The following CACYBP variants were observed in gnomAD, a reference collection of about 807,000 sequenced individuals.
The protein encoded by CACYBP is calcyclin-binding protein.
Under a neutral mutation model 29.6 loss-of-function variants are expected in CACYBP, and 11 were observed. That is an observed-to-expected ratio of 0.37 (90% confidence interval 0.23 to 0.61). The LOEUF is 0.61. Among genes scored for constraint, CACYBP ranks in the 20% least tolerant of loss-of-function variants. CACYBP has a pLI of 0.65. For missense variants in CACYBP, 163 were observed against 260.7 expected (o/e 0.63, Z 2.58); for synonymous variants, 73 against 88.3 (o/e 0.83, Z 0.97).
At chr1:175,004,854 G>T in intron 2 of CACYBP, 21 bp downstream of exon 2, 1 of 1,462,750 alleles carries the variant, frequency 6.8e-7, no homozygotes, top group Non-Finnish European at 9.6e-7. Flanking sequence ...CTTCCCTATA[G>T]CCAGTTCTGC....
chr1:175,004,215 T>C (rs1450508797), intron 1 of CACYBP, among the ~76,000 whole-genome samples: 2 of 152,224 alleles, frequency 1.3e-5, no homozygotes, highest in African/African-American at 2.4e-5. Context: ...TCTCATCTCT[T>C]AAATATTTTA....
chr1:175,002,480 G>A (rs971459235), intron 1 of CACYBP, among the ~76,000 whole-genome samples: 9 of 152,104 alleles, frequency 5.9e-5, no homozygotes, highest in African/African-American at 1.9e-4. Flanking sequence ...TGGTGTTAAT[G>A]CCTCCTAGTG....
chr1:175,003,900 TGAG>T (rs1234432099), intron 1 of CACYBP, among the ~76,000 whole-genome samples: 1 of 152,158 alleles, frequency 6.6e-6, no homozygotes, highest in Non-Finnish European at 1.5e-5. Flanking sequence ...GAGAAGAAAA[TGAG>T]AACGTGGTGG....
chr1:175,008,374 C>T (rs976683270), intron 4 of CACYBP, among the ~76,000 whole-genome samples: 6 of 152,050 alleles, frequency 3.9e-5, no homozygotes, highest in African/African-American at 7.2e-5. Context: ...CATTAACACC[C>T]GCTTTGTCTT....
At chr1:174,999,673 T>C (rs574036609), upstream of CACYBP, 7 of 236,544 alleles carry the variant, frequency 3.0e-5, no homozygotes, top group Admixed American at 1.2e-4. Context: ...AACTTCCGAC[T>C]TGGACTCCGA....
In CACYBP at chr1:175,004,667, A is replaced by G; in HGVS notation, c.69A>G (p.Lys23=). 4 of 1,613,414 alleles carry G rather than the reference A, an allele frequency of 2.5e-6. No individual in the cohort carries two copies. Among genetic ancestry groups the G allele is most frequent in the Non-Finnish European group, 3.4e-6 (4 of 1,179,748 alleles). The change falls in exon 2 of 6, where the codon AAA becomes AAG. Residue 23 remains lysine (K), a synonymous_variant. Transcript: ENST00000367679. The part of the protein sequence containing the change: ...VKVLLEKATR[K]RVRDALTAEK... ...TGTTGCTGGAAAAGGCTACTAGGAA[A>G]AGAGTACGTGATGCCCTTACAGCTG...
At chr1:175,004,542 A>C in intron 1 of CACYBP, 72 bp from the exon 2 acceptor site, 2 of 895,042 alleles carry the variant, frequency 2.2e-6, no homozygotes, top group Non-Finnish European at 3.4e-6. Flanking sequence ...AGTAAGTTGA[A>C]ATGAGTGATA....
At position 175,005,158 on chromosome 1, in the gene CACYBP, A is replaced by G. The variant is rs188825976; in HGVS notation, c.235+325A>G. 1.9e-4 allele frequency: 63 copies of G among 338,794 alleles called. No homozygotes were observed. In the East Asian group the frequency reaches 3.5e-3, roughly 19 times the overall value. 21.0% of individuals were successfully genotyped at this position (338,794 alleles called of 1,614,324 possible). A position where few individuals can be genotyped will look rare whatever the true frequency, so the allele number is the denominator to read the frequency against. On this transcript the variant is annotated intron_variant, in intron 2 of 5. Transcript: ENST00000367679. ...TCATGTTTTATGTTTCACTCTGCCA[A>G]CCACCACAATTAACTGAGGAGAGGA...
At chr1:175,000,229 C>G (rs1307186832) in intron 1 of CACYBP, 34 bp downstream of exon 1, 11 of 1,588,444 alleles carry the variant, frequency 6.9e-6, no homozygotes, top group East Asian at 2.3e-5. Context: ...CTTATGCCCC[C>G]CGGCTGGAGC....
Position 175,011,223 on chromosome 1 carries a change from G to GAAAC in CACYBP, c.*1146_*1149dup, listed in dbSNP as rs1377772678. 2 of 150,506 alleles carry GAAAC rather than the reference G, an allele frequency of 1.3e-5. No homozygotes were observed. The highest frequency in any genetic ancestry group is 2.9e-5 in the Non-Finnish European group (2 of 67,852). 9.3% of individuals were successfully genotyped at this position (150,506 alleles called of 1,614,324 possible). Reference sequence around the variant, plus strand: ...AAGAAGTGGTAGGATTTAAAATACAGAAACAGTTTATGTATAGGATAGCTA... The same window carrying GAAAC: ...AAGAAGTGGTAGGATTTAAAATACAGAAACAAACAGTTTATGTATAGGATAGCTA... On this transcript the variant is annotated 3_prime_UTR_variant, in exon 6 of 6. Coordinates refer to ENST00000367679, the MANE Select transcript of CACYBP (RefSeq NM_014412.3).
intron 1 of CACYBP, among the ~76,000 whole-genome samples, chr1:175,001,455 G>C (rs1672487867): frequency 6.6e-6 from 1 of 152,156 alleles, no homozygotes; most frequent in Non-Finnish European, 1.5e-5. Context: ...ACTCCAGAAA[G>C]AAACCATGTA....
intron 5 of CACYBP, among the ~76,000 whole-genome samples, chr1:175,009,113 G>C (rs74128531): frequency 0.017 from 2,662 of 152,174 alleles, 78 homozygotes; most frequent in African/African-American, 0.059. Flanking sequence ...TGATACTTGC[G>C]TTCTAGGTCA....
intron 1 of CACYBP, chr1:175,000,684 T>A (rs567744233): frequency 1.3e-5 from 11 of 874,344 alleles, no homozygotes; most frequent in Non-Finnish European, 1.5e-5. Flanking sequence ...GCAAGTTGTT[T>A]AGCTTCTCTG....
chr1:175,007,848 A>T (rs571767369), intron 4 of CACYBP, among the ~76,000 whole-genome samples: 50 of 152,334 alleles, frequency 3.3e-4, no homozygotes, highest in African/African-American at 1.2e-3. Context: ...TACTCTTTGT[A>T]ATTTTTACTA....
At chr1:175,006,637 C>A in intron 2 of CACYBP, 108 bp from the exon 3 acceptor site, 1 of 602,154 alleles carries the variant, frequency 1.7e-6, no homozygotes, top group Non-Finnish European at 3.0e-6. Flanking sequence ...GTTTATATGA[C>A]TGGATTTTCA....
intron 4 of CACYBP, among the ~76,000 whole-genome samples, chr1:175,007,871 C>T (rs1317828103): frequency 6.6e-6 from 1 of 151,994 alleles, no homozygotes; most frequent in African/African-American, 2.4e-5. Flanking sequence ...TCAGATAGTC[C>T]CTGTTTTCTG....
intron 2 of CACYBP, among the ~76,000 whole-genome samples, chr1:175,005,952 TATAGGC>T (rs1672610630): frequency 6.6e-6 from 1 of 152,184 alleles, no homozygotes; most frequent in Non-Finnish European, 1.5e-5. Flanking sequence ...AGATGTTTGA[TATAGGC>T]ATGCAATGTG....
In CACYBP at chr1:175,000,350, C is replaced by T. The variant is rs999382323; in HGVS notation, c.15+155C>T. The T allele has an allele frequency of 6.3e-6, 9 of 1,437,148 alleles. No homozygotes were observed. In the African/African-American group the frequency reaches 1.2e-4, roughly 19 times the overall value. 89.0% of individuals were successfully genotyped at this position (1,437,148 alleles called of 1,614,324 possible). ...CCTTCCCGGGGGACACCTCACTCGCCCCTTGCTGCGCCGTCGGCTCCCCAG... is the reference window on the plus strand; with the variant it reads ...CCTTCCCGGGGGACACCTCACTCGCTCCTTGCTGCGCCGTCGGCTCCCCAG... On this transcript the variant is annotated intron_variant, in intron 1 of 5. Coordinates refer to ENST00000367679, the MANE Select transcript of CACYBP (RefSeq NM_014412.3).
chr1:174,999,549 T>G (rs1325938371), upstream of CACYBP: 1 of 160,686 alleles, frequency 6.2e-6, no homozygotes, highest in African/African-American at 2.4e-5. Context: ...ACCAGGCTGC[T>G]CCTCCCCATT....
Sources: allele counts gnomAD v4.1 joint callset (sites outside exome capture counted in the v4.1 genomes callset), GRCh38; gene constraint gnomAD v4.1.1; transcripts MANE v1.5; gene names NCBI Gene and HGNC (gene_info 2026-07-23, HGNC 2026-07-21).